SENP7: variants seen among roughly 807,000 people sequenced by gnomAD.
SENP7 encodes SUMO specific peptidase 7, also known as sentrin-specific protease 7.
Under a neutral mutation model 141.2 loss-of-function variants are expected in SENP7, and 64 were observed. The ratio of observed to expected loss-of-function variants is 0.45; its 90% CI spans 0.37 to 0.56. The LOEUF is 0.56. Among genes scored for constraint, SENP7 ranks in the 20% least tolerant of loss-of-function variants. The probability of loss-of-function intolerance (pLI) is 0.00; values close to 1 mark genes in which losing one functional copy is unlikely to be tolerated. For synonymous variants in SENP7, 382 were observed against 426.4 expected (o/e 0.90, Z 1.28); for missense variants, 1,025 against 1,212.2 (o/e 0.85, Z 2.29).
intron 16 of SENP7, among the ~76,000 whole-genome samples, chr3:101,338,497 T>C (rs2059247528): frequency 6.6e-6 from 1 of 152,230 alleles, no homozygotes; most frequent in African/African-American, 2.4e-5. Flanking sequence ...AAAACTCTGC[T>C]ATTCTTTATA....
At chr3:101,443,332 A>G (rs976494340) in intron 4 of SENP7, among the ~76,000 whole-genome samples, 8 of 152,074 alleles carry the variant, frequency 5.3e-5, no homozygotes, top group Non-Finnish European at 8.8e-5. Context: ...TACCAGTACC[A>G]TGCTGTTTTG....
chr3:101,485,433 G>T (rs1201727363), intron 3 of SENP7, among the ~76,000 whole-genome samples: 1 of 152,088 alleles, frequency 6.6e-6, no homozygotes, highest in African/African-American at 2.4e-5. Context: ...CACATCACAG[G>T]ACTCTGTCCA....
intron 11 of SENP7, among the ~76,000 whole-genome samples, chr3:101,354,660 T>G (rs1318267101): frequency 6.6e-6 from 1 of 152,110 alleles, no homozygotes; most frequent in South Asian, 2.1e-4. Flanking sequence ...GGCACTTAGG[T>G]TGATTCCATA....
chr3:101,455,637 T>C (rs550090854), intron 4 of SENP7, among the ~76,000 whole-genome samples: 1 of 152,264 alleles, frequency 6.6e-6, no homozygotes, highest in South Asian at 2.1e-4. Flanking sequence ...AAGAATCCCA[T>C]TAAAAGAGAA....
intron 5 of SENP7, among the ~76,000 whole-genome samples, chr3:101,413,429 T>TTAG (rs1395639713): frequency 6.6e-6 from 1 of 152,150 alleles, no homozygotes; most frequent in African/African-American, 2.4e-5. Flanking sequence ...ACAGGGAAAA[T>TTAG]ATATGTTAGA....
At chr3:101,416,865 G>A (rs755274707) in intron 5 of SENP7, among the ~76,000 whole-genome samples, 12 of 152,140 alleles carry the variant, frequency 7.9e-5, no homozygotes, top group East Asian at 3.9e-4. Context: ...GTACTGTCTC[G>A]CTAATTGTAA....
chr3:101,490,204 C>CAAAA (rs2064909408), intron 3 of SENP7, among the ~76,000 whole-genome samples: 1 of 142,704 alleles, frequency 7.0e-6, no homozygotes, highest in Non-Finnish European at 1.5e-5. Flanking sequence ...AACAAACAAA[C>CAAAA]AAACAAAAAA....
chr3:101,368,061 T>A, intron 7 of SENP7, 50 bp from the exon 8 acceptor site: 3 of 1,434,158 alleles, frequency 2.1e-6, no homozygotes, highest in Non-Finnish European at 1.9e-6. Context: ...ATAGAGAGAA[T>A]CTCTTTTAGA....
At chr3:101,424,982 AC>A (rs1394588227) in intron 4 of SENP7, among the ~76,000 whole-genome samples, 3 of 150,190 alleles carry the variant, frequency 2.0e-5, no homozygotes, top group Admixed American at 6.6e-5. Flanking sequence ...ATAAAGGGAA[AC>A]CCCTTTCACT....
At chr3:101,330,941 T>C (rs1170643813) in intron 19 of SENP7, among the ~76,000 whole-genome samples, 2 of 152,212 alleles carry the variant, frequency 1.3e-5, no homozygotes, top group Admixed American at 6.5e-5. Context: ...AGTAGGCTTA[T>C]TTACTTTAGA....
chr3:101,362,535 T>C (rs999317205), intron 10 of SENP7, among the ~76,000 whole-genome samples: 4 of 152,182 alleles, frequency 2.6e-5, no homozygotes, highest in Non-Finnish European at 4.4e-5. Flanking sequence ...TATTGCGTGA[T>C]GCTGAGGGTT....
chr3:101,510,248 CT>C (rs781344512), intron 1 of SENP7, among the ~76,000 whole-genome samples: 1 of 152,192 alleles, frequency 6.6e-6, no homozygotes, highest in Non-Finnish European at 1.5e-5. Flanking sequence ...GTATCACCAT[CT>C]AATATACTGC....
At chr3:101,420,317 G>A (rs1435187799) in intron 4 of SENP7, among the ~76,000 whole-genome samples, 3 of 151,902 alleles carry the variant, frequency 2.0e-5, no homozygotes, top group Non-Finnish European at 2.9e-5. Context: ...GCAGTAAGCC[G>A]AGATTGCGCC....
At chr3:101,403,843 T>C (rs557742567) in intron 5 of SENP7, among the ~76,000 whole-genome samples, 6 of 152,156 alleles carry the variant, frequency 3.9e-5, no homozygotes, top group Non-Finnish European at 8.8e-5. Flanking sequence ...AAGAATAATA[T>C]ACCTCTGAAT....
intron 5 of SENP7, among the ~76,000 whole-genome samples, chr3:101,405,520 G>A (rs1284663067): frequency 6.6e-6 from 1 of 152,056 alleles, no homozygotes; most frequent in African/African-American, 2.4e-5. Context: ...GACAAAATAA[G>A]GTTAACACCT....
chr3:101,503,635 A>G (rs2065477751), intron 1 of SENP7, among the ~76,000 whole-genome samples: 1 of 152,222 alleles, frequency 6.6e-6, no homozygotes. Flanking sequence ...AAATAAACCT[A>G]TGGTAACACT....
At chr3:101,410,781 G>A (rs2061433682) in intron 5 of SENP7, among the ~76,000 whole-genome samples, 2 of 151,510 alleles carry the variant, frequency 1.3e-5, no homozygotes, top group Admixed American at 6.6e-5. Flanking sequence ...GAAGGCGGAG[G>A]TTGCAGTGAG....
chr3:101,445,169 G>T (rs756685781), intron 4 of SENP7, among the ~76,000 whole-genome samples: 2 of 152,136 alleles, frequency 1.3e-5, no homozygotes, highest in Non-Finnish European at 2.9e-5. Flanking sequence ...GGCCAGGAGA[G>T]AATGGGATGA....
intron 12 of SENP7, among the ~76,000 whole-genome samples, chr3:101,349,181 A>T (rs2059549860): frequency 1.3e-5 from 2 of 152,218 alleles, no homozygotes; most frequent in Non-Finnish European, 2.9e-5. Context: ...AATGTTCCCA[A>T]GCCAGTCATT....
Sources: gnomAD v4.1 joint callset for allele counts (sites outside exome capture counted in the v4.1 genomes callset) on GRCh38, gnomAD v4.1.1 for gene constraint, MANE v1.5 for transcripts, NCBI Gene and HGNC (gene_info 2026-07-23, HGNC 2026-07-21) for gene names.